The following MARCHF1 variants were observed in gnomAD, a reference collection of about 807,000 sequenced individuals.
MARCHF1 encodes the protein E3 ubiquitin-protein ligase MARCHF1.
Under a neutral mutation model 54.2 loss-of-function variants are expected in MARCHF1, and 40 were observed. That is an observed-to-expected ratio of 0.74 (90% CI 0.57 to 0.96). MARCHF1 has a LOEUF of 0.96. Ranked by LOEUF, MARCHF1 falls within the 40% of genes least tolerant of loss-of-function variation. The pLI is 0.00. For synonymous variants in MARCHF1, 236 were observed against 236.3 expected (o/e 1.00, Z 0.01); for missense variants, 586 against 656.5 (o/e 0.89, Z 1.17).
intron 2 of MARCHF1, among the ~76,000 whole-genome samples, chr4:164,054,951 T>C (rs1190684487): frequency 6.6e-6 from 1 of 151,844 alleles, no homozygotes; most frequent in Non-Finnish European, 1.5e-5. Context: ...AAAAAGAAAA[T>C]TATTATTTAT....
At chr4:164,101,226 A>C (rs1397539615) in intron 2 of MARCHF1, among the ~76,000 whole-genome samples, 1 of 152,200 alleles carries the variant, frequency 6.6e-6, no homozygotes, top group Non-Finnish European at 1.5e-5. Context: ...AGGTAAACAA[A>C]GCAGCCTGGA....
At chr4:164,122,363 T>C (rs1396064513) in intron 1 of MARCHF1, among the ~76,000 whole-genome samples, 2 of 152,074 alleles carry the variant, frequency 1.3e-5, no homozygotes, top group Non-Finnish European at 2.9e-5. Flanking sequence ...GCTGCAGACA[T>C]AGATATTGGC....
At chr4:164,164,919 C>T (rs1730331698) in intron 1 of MARCHF1, among the ~76,000 whole-genome samples, 1 of 151,974 alleles carries the variant, frequency 6.6e-6, no homozygotes, top group Non-Finnish European at 1.5e-5. Flanking sequence ...CTGACCCATT[C>T]AACCACTAGA....
chr4:163,679,532 T>A (rs1744028475), intron 5 of MARCHF1, among the ~76,000 whole-genome samples: 1 of 152,010 alleles, frequency 6.6e-6, no homozygotes, highest in Admixed American at 6.6e-5. Flanking sequence ...AAAGCAGGGG[T>A]CCCTGACCTC....
At chr4:163,635,580 G>A (rs1345063633) in intron 5 of MARCHF1, among the ~76,000 whole-genome samples, 1 of 148,446 alleles carries the variant, frequency 6.7e-6, no homozygotes, top group Non-Finnish European at 1.5e-5. Context: ...AATAACAGGA[G>A]CTGAAATTGT....
At chr4:163,670,502 T>C (rs80188212) in intron 5 of MARCHF1, among the ~76,000 whole-genome samples, 117 of 152,160 alleles carry the variant, frequency 7.7e-4, no homozygotes, top group African/African-American at 2.7e-3. Flanking sequence ...TTTCATATTT[T>C]CTTACTTTGT....
chr4:164,380,817 A>G (rs938308059), intron 1 of MARCHF1, among the ~76,000 whole-genome samples: 1 of 152,186 alleles, frequency 6.6e-6, no homozygotes, highest in Non-Finnish European at 1.5e-5. Context: ...TTTCCCTATC[A>G]AAGGCCTACA....
chr4:164,283,606 G>A (rs764152160), intron 1 of MARCHF1, among the ~76,000 whole-genome samples: 3 of 151,012 alleles, frequency 2.0e-5, no homozygotes, highest in Non-Finnish European at 4.4e-5. Context: ...CAGAAGCTCA[G>A]GAAAGTCCTG....
intron 3 of MARCHF1, among the ~76,000 whole-genome samples, chr4:163,960,211 T>G (rs1752319440): frequency 6.6e-6 from 1 of 152,026 alleles, no homozygotes; most frequent in Non-Finnish European, 1.5e-5. Flanking sequence ...TTGGTGGGAA[T>G]GTAAATTATT....
At chr4:163,726,252 A>G (rs572979675) in intron 4 of MARCHF1, among the ~76,000 whole-genome samples, 2 of 152,290 alleles carry the variant, frequency 1.3e-5, no homozygotes, top group South Asian at 4.1e-4. Flanking sequence ...TTTCCTAAAA[A>G]TCTTCTGTGC....
intron 1 of MARCHF1, among the ~76,000 whole-genome samples, chr4:164,357,305 A>G (rs945986001): frequency 4.0e-5 from 6 of 151,870 alleles, no homozygotes; most frequent in African/African-American, 1.2e-4. Flanking sequence ...GGCCACTTAG[A>G]TTTCTTGGTT....
At chr4:164,126,210 G>T (rs79477896) in intron 1 of MARCHF1, among the ~76,000 whole-genome samples, 6,818 of 152,236 alleles carry the variant, frequency 0.045, 258 homozygotes, top group East Asian at 0.19. Flanking sequence ...CATTTAGGAG[G>T]TTATTGGATC....
chr4:164,309,900 T>C (rs1734801650), intron 1 of MARCHF1, among the ~76,000 whole-genome samples: 1 of 152,110 alleles, frequency 6.6e-6, no homozygotes, highest in Non-Finnish European at 1.5e-5. Flanking sequence ...CTTTTTCTGA[T>C]GCCTCAGAGT....
chr4:163,852,036 A>T (rs1193994471), intron 4 of MARCHF1, among the ~76,000 whole-genome samples: 1 of 152,174 alleles, frequency 6.6e-6, no homozygotes, highest in Non-Finnish European at 1.5e-5. Context: ...ACAGCATTAG[A>T]TTTAATTACT....
At chr4:163,803,255 C>T (rs186627242) in intron 4 of MARCHF1, among the ~76,000 whole-genome samples, 2 of 152,272 alleles carry the variant, frequency 1.3e-5, no homozygotes, top group South Asian at 2.1e-4. Flanking sequence ...CTCACTGCAA[C>T]CTCTGCCTCC....
At chr4:164,010,204 C>T (rs925502959) in intron 2 of MARCHF1, among the ~76,000 whole-genome samples, 2 of 150,798 alleles carry the variant, frequency 1.3e-5, no homozygotes, top group Non-Finnish European at 3.0e-5. Context: ...GTAGCTGGGA[C>T]TACAGGAGCA....
chr4:164,323,546 T>C (rs900529150), intron 1 of MARCHF1, among the ~76,000 whole-genome samples: 2 of 113,632 alleles, frequency 1.8e-5, no homozygotes, highest in African/African-American at 6.9e-5. Context: ...AAAACTTCTA[T>C]GAAGATACCA....
intron 3 of MARCHF1, among the ~76,000 whole-genome samples, chr4:163,977,228 A>G (rs1205807695): frequency 1.3e-5 from 2 of 152,088 alleles, no homozygotes; most frequent in Non-Finnish European, 2.9e-5. Flanking sequence ...GCATTAGTTT[A>G]CCAAGTCAGT....
chr4:164,268,586 A>AT (rs951705478), intron 1 of MARCHF1, among the ~76,000 whole-genome samples: 3 of 152,026 alleles, frequency 2.0e-5, no homozygotes, highest in Admixed American at 2.0e-4. Flanking sequence ...ACCTCTTCTG[A>AT]TTTTGTCTAG....
Sources: allele counts gnomAD v4.1 joint callset (sites outside exome capture counted in the v4.1 genomes callset), GRCh38; gene constraint gnomAD v4.1.1; transcripts MANE v1.5; gene names NCBI Gene and HGNC (gene_info 2026-07-23, HGNC 2026-07-21).